RABGAP1L: variants seen among roughly 807,000 people sequenced by gnomAD.
The protein encoded by RABGAP1L is RAB GTPase activating protein 1 like.
RABGAP1L carries 63 observed loss-of-function variants against 137.7 expected under a neutral mutation model. The observed-to-expected ratio is 0.46, with a 90% CI of 0.37 to 0.56. The LOEUF (loss-of-function observed/expected upper bound fraction) is 0.56, where lower values mean the gene tolerates loss of function less well. Among genes scored for constraint, RABGAP1L ranks in the 20% least tolerant of loss-of-function variants. The pLI is 0.00. For missense variants in RABGAP1L, 1,095 were observed against 1,244.0 expected, an observed-to-expected ratio of 0.88 and a Z score of 1.80; for synonymous variants, 431 against 433.7, an observed-to-expected ratio of 0.99 and a Z score of 0.08.
chr1:174,416,013 A>G (rs1650518042), intron 13 of RABGAP1L, among the ~76,000 whole-genome samples: 1 of 98,862 alleles, frequency 1.0e-5, no homozygotes, highest in Non-Finnish European at 1.9e-5. Context: ...TTCCCTAGAA[A>G]ATTTACATAT....
intron 1 of RABGAP1L, among the ~76,000 whole-genome samples, chr1:174,167,141 G>A (rs1235571259): frequency 1.3e-5 from 2 of 152,194 alleles, no homozygotes. Context: ...AATATGGCAT[G>A]GCCCAGATGC....
At chr1:174,412,415 T>C (rs1650046785) in intron 13 of RABGAP1L, among the ~76,000 whole-genome samples, 1 of 152,056 alleles carries the variant, frequency 6.6e-6, no homozygotes. Context: ...TTTATCCAAC[T>C]TGTGATTCTG....
chr1:174,290,965 G>T (rs1237241351), intron 10 of RABGAP1L, among the ~76,000 whole-genome samples: 1 of 151,972 alleles, frequency 6.6e-6, no homozygotes, highest in East Asian at 1.9e-4. Context: ...TTGCTATGTT[G>T]CCCAGGCTGG....
chr1:174,251,351 T>G (rs1485976081), intron 6 of RABGAP1L, among the ~76,000 whole-genome samples: 2 of 152,080 alleles, frequency 1.3e-5, no homozygotes, highest in East Asian at 3.8e-4. Flanking sequence ...GACCACCACT[T>G]AATTAACCAT....
chr1:174,660,255 C>A (rs1676275299), intron 14 of RABGAP1L, among the ~76,000 whole-genome samples: 1 of 152,134 alleles, frequency 6.6e-6, no homozygotes, highest in African/African-American at 2.4e-5. Context: ...AAGTATAAAT[C>A]AAACTCAGAA....
At chr1:174,843,534 A>T (rs1217943338) in intron 19 of RABGAP1L, among the ~76,000 whole-genome samples, 1 of 140,550 alleles carries the variant, frequency 7.1e-6, no homozygotes, top group Non-Finnish European at 1.5e-5. Context: ...AGTTTCATCC[A>T]TGTCCCTACA....
At chr1:174,241,210 C>T (rs1225372917) in intron 4 of RABGAP1L, among the ~76,000 whole-genome samples, 3 of 151,924 alleles carry the variant, frequency 2.0e-5, no homozygotes, top group African/African-American at 7.3e-5. Context: ...ATCCCAGGTA[C>T]TTGGGAGGCT....
intron 4 of RABGAP1L, among the ~76,000 whole-genome samples, chr1:174,237,102 T>C (rs1259939390): frequency 5.7e-4 from 83 of 145,034 alleles, no homozygotes; most frequent in African/African-American, 2.1e-3. Context: ...CCCTGTCTTT[T>C]TTTGTTTTCC....
intron 18 of RABGAP1L, among the ~76,000 whole-genome samples, chr1:174,784,270 C>T (rs1489410296): frequency 6.6e-6 from 1 of 151,998 alleles, no homozygotes; most frequent in Non-Finnish European, 1.5e-5. Context: ...CCGCCCACCT[C>T]GGCTCCCGAA....
intron 1 of RABGAP1L, among the ~76,000 whole-genome samples, chr1:174,172,182 G>GTA (rs1433300569): frequency 1.1e-5 from 1 of 90,510 alleles, no homozygotes; most frequent in African/African-American, 6.4e-5. Context: ...TCCCTTGTGT[G>GTA]TGTGTGTGTG....
At chr1:174,606,984 CT>C in intron 13 of RABGAP1L, among the ~76,000 whole-genome samples, 1 of 152,122 alleles carries the variant, frequency 6.6e-6, no homozygotes, top group East Asian at 1.9e-4. Flanking sequence ...TATGAAGATA[CT>C]TGGGAATTGC....
intron 18 of RABGAP1L, among the ~76,000 whole-genome samples, chr1:174,808,592 C>G (rs562999045): frequency 6.6e-6 from 1 of 152,034 alleles, no homozygotes; most frequent in Admixed American, 6.6e-5. Flanking sequence ...ACTCTTATAC[C>G]TTAAATTATT....
chr1:174,391,381 G>A (rs979891990), intron 12 of RABGAP1L, among the ~76,000 whole-genome samples: 1 of 152,144 alleles, frequency 6.6e-6, no homozygotes, highest in African/African-American at 2.4e-5. Flanking sequence ...TGCCTGGTGT[G>A]ACCTTAGCTC....
chr1:174,234,797 T>C (rs1180998648), intron 4 of RABGAP1L, among the ~76,000 whole-genome samples: 1 of 149,098 alleles, frequency 6.7e-6, no homozygotes, highest in East Asian at 1.9e-4. Flanking sequence ...TTTCCAATTC[T>C]GTGAAGAAAG....
intron 12 of RABGAP1L, among the ~76,000 whole-genome samples, chr1:174,393,516 C>T (rs887714480): frequency 1.8e-4 from 28 of 152,214 alleles, no homozygotes; most frequent in African/African-American, 6.7e-4. Context: ...GGCACTTGGC[C>T]CAGCTCAGCT....
rs1316208725 is a variant in RABGAP1L at position 174,909,776 on chromosome 1, A to G, written c.2341-47681A>G. Among the ~76,000 whole-genome samples, 7 of 152,226 alleles carry G rather than the reference A, an allele frequency of 4.6e-5. No individual in the cohort carries two copies. In the South Asian group the frequency reaches 1.4e-3, roughly 32 times the overall value. On this transcript the variant is annotated intron_variant, in intron 19 of 25. Coordinates refer to ENST00000681986, the MANE Select transcript of RABGAP1L (RefSeq NM_001366446.1). The stretch of plus-strand genomic sequence containing the variant: ...AACCTGGAAAACCTAGAAGTGGAGG[A>G]ATTCCTGAACACATACAACCTACCA...
chr1:174,727,490 A>G (rs1004297066), intron 17 of RABGAP1L, among the ~76,000 whole-genome samples: 3 of 152,210 alleles, frequency 2.0e-5, no homozygotes, highest in African/African-American at 7.2e-5. Flanking sequence ...TTTCTGTAGC[A>G]AAGCTTTGGA....
At chr1:174,806,261 A>G (rs1689288782) in intron 18 of RABGAP1L, among the ~76,000 whole-genome samples, 1 of 152,214 alleles carries the variant, frequency 6.6e-6, no homozygotes, top group Non-Finnish European at 1.5e-5. Flanking sequence ...ATACAATTAT[A>G]AACTCAATTA....
At chr1:174,364,551 G>A (rs1005664482) in intron 11 of RABGAP1L, among the ~76,000 whole-genome samples, 1 of 152,052 alleles carries the variant, frequency 6.6e-6, no homozygotes, top group Non-Finnish European at 1.5e-5. Context: ...ACCGCGCCCG[G>A]CCTGGATTTC....
Sources: gnomAD v4.1 joint callset for allele counts (sites outside exome capture counted in the v4.1 genomes callset) on GRCh38, gnomAD v4.1.1 for gene constraint, MANE v1.5 for transcripts, NCBI Gene and HGNC (gene_info 2026-07-23, HGNC 2026-07-21) for gene names.